Variants in TRPS1 observed in about 807,000 individuals in gnomAD.
TRPS1 encodes the protein transcriptional repressor GATA binding 1.
TRPS1 carries 6 observed loss-of-function variants against 101.2 expected under a neutral mutation model. That is an observed-to-expected ratio of 0.06 (90% confidence interval 0.03 to 0.12). The LOEUF (loss-of-function observed/expected upper bound fraction) is 0.12, where lower values mean the gene tolerates loss of function less well. Among genes scored for constraint, TRPS1 ranks in the 10% least tolerant of loss-of-function variants. The pLI is 1.00. For missense variants in TRPS1, 1,363 were observed against 1,567.0 expected, an observed-to-expected ratio of 0.87 and a Z score of 2.20; for synonymous variants, 578 against 589.8, an observed-to-expected ratio of 0.98 and a Z score of 0.29.
chr8:115,626,426 T>C (rs983161832), intron 1 of TRPS1, among the ~76,000 whole-genome samples: 2 of 151,846 alleles, frequency 1.3e-5, no homozygotes, highest in Non-Finnish European at 3.0e-5. Context: ...TTTAGATGTT[T>C]TCTATTTCTT....
At chr8:115,434,688 C>T (rs995904639) in intron 5 of TRPS1, among the ~76,000 whole-genome samples, 1 of 152,160 alleles carries the variant, frequency 6.6e-6, no homozygotes, top group African/African-American at 2.4e-5. Context: ...TAGCCATAAA[C>T]ATTGGTTTCT....
intron 5 of TRPS1, among the ~76,000 whole-genome samples, chr8:115,566,629 T>C (rs1025058953): frequency 1.3e-5 from 2 of 152,056 alleles, no homozygotes; most frequent in South Asian, 2.1e-4. Flanking sequence ...AAACAGAATT[T>C]GATTAATTTT....
intron 5 of TRPS1, among the ~76,000 whole-genome samples, chr8:115,586,548 T>G (rs1008502091): frequency 6.6e-6 from 1 of 152,260 alleles, no homozygotes; most frequent in Non-Finnish European, 1.5e-5. Context: ...TATTTTGGTA[T>G]GAACATCTCA....
At chr8:115,582,088 GA>G (rs1298912802) in intron 5 of TRPS1, among the ~76,000 whole-genome samples, 1 of 152,152 alleles carries the variant, frequency 6.6e-6, no homozygotes, top group Admixed American at 6.5e-5. Flanking sequence ...GATATAGTCT[GA>G]TCTCTTTGGT....
chr8:115,484,400 G>C (rs1814828701), intron 5 of TRPS1, among the ~76,000 whole-genome samples: 1 of 151,990 alleles, frequency 6.6e-6, no homozygotes, highest in African/African-American at 2.4e-5. Context: ...TTATCTGAGA[G>C]AGGCAAGTCA....
chr8:115,631,262 C>T (rs1818635139), intron 1 of TRPS1, among the ~76,000 whole-genome samples: 1 of 152,042 alleles, frequency 6.6e-6, no homozygotes, highest in Admixed American at 6.6e-5. Flanking sequence ...TAGGCTACCC[C>T]TCTAGACTGT....
chr8:115,619,813 C>G lies in TRPS1; in HGVS notation c.285G>C (p.Glu95Asp). The G allele has an allele frequency of 6.2e-7, 1 of 1,614,202 alleles. No individual in the cohort carries two copies. Among genetic ancestry groups the G allele is most frequent in the Non-Finnish European group, 8.5e-7 (1 of 1,180,036 alleles). ...GGCTTTCATAATTGAAGCCAGCCTT[C>G]TCACTCAGAACTGCGCTTTTCAAGT... ...KKDLKSAVLS[E>D]KAGFNYESPS... The change falls in exon 3 of 7, where the codon GAG (glutamate) becomes GAC (aspartate). Residue 95 changes from glutamate (E) to aspartate (D), a missense_variant. Around this residue, in one of 5 missense-constraint regions of TRPS1, gnomAD observed 1,020 missense variants for 1,073.0 expected, o/e 0.95. Transcript: ENST00000395715.
chr8:115,626,009 T>C (rs1001808129), intron 1 of TRPS1, among the ~76,000 whole-genome samples: 4 of 151,968 alleles, frequency 2.6e-5, no homozygotes, highest in Admixed American at 2.0e-4. Flanking sequence ...AAAAAGTATG[T>C]TTTCTTCCAT....
intron 5 of TRPS1, among the ~76,000 whole-genome samples, chr8:115,521,875 TAA>T (rs1402711733): frequency 6.6e-6 from 1 of 151,972 alleles, no homozygotes; most frequent in African/African-American, 2.4e-5. Context: ...TTACCAATAT[TAA>T]GTATATTCCA....
chr8:115,567,716 G>A (rs1817101826), intron 5 of TRPS1, among the ~76,000 whole-genome samples: 1 of 152,088 alleles, frequency 6.6e-6, no homozygotes, highest in Non-Finnish European at 1.5e-5. Context: ...CAGAGAAGGG[G>A]AGCCCATGCC....
intron 5 of TRPS1, among the ~76,000 whole-genome samples, chr8:115,465,306 T>A (rs2129990801): frequency 6.6e-6 from 1 of 152,252 alleles, no homozygotes; most frequent in Admixed American, 6.5e-5. Context: ...CAATTCCACA[T>A]AGTTCTAGCA....
intron 5 of TRPS1, among the ~76,000 whole-genome samples, chr8:115,442,973 G>C (rs997328553): frequency 6.6e-6 from 1 of 152,116 alleles, no homozygotes; most frequent in African/African-American, 2.4e-5. Context: ...GCGGGCGCCT[G>C]TAGTCCCAGC....
intron 5 of TRPS1, among the ~76,000 whole-genome samples, chr8:115,471,141 A>G (rs1045230622): frequency 2.0e-5 from 3 of 152,132 alleles, no homozygotes; most frequent in Admixed American, 2.0e-4. Context: ...CCTCCTCCTC[A>G]GGCTGTAGGG....
At chr8:115,421,476 G>C (rs1306769296) in intron 5 of TRPS1, among the ~76,000 whole-genome samples, 1 of 152,178 alleles carries the variant, frequency 6.6e-6, no homozygotes, top group East Asian at 1.9e-4. Context: ...GTTGGATATT[G>C]TTCAATGTGT....
intron 5 of TRPS1, among the ~76,000 whole-genome samples, chr8:115,436,329 C>A (rs1172936869): frequency 6.6e-6 from 1 of 152,042 alleles, no homozygotes; most frequent in Admixed American, 6.6e-5. Flanking sequence ...CAGACAGGCC[C>A]GGATGGTAAA....
intron 5 of TRPS1, among the ~76,000 whole-genome samples, chr8:115,472,335 C>A (rs912172599): frequency 6.6e-6 from 1 of 152,202 alleles, no homozygotes; most frequent in Admixed American, 6.5e-5. Context: ...GAAGCAACAG[C>A]CTGAGCTCTA....
At chr8:115,552,125 C>T (rs745923144) in intron 5 of TRPS1, among the ~76,000 whole-genome samples, 3 of 152,150 alleles carry the variant, frequency 2.0e-5, no homozygotes, top group Non-Finnish European at 4.4e-5. Context: ...TGAGGGGTTG[C>T]TAATTTAACA....
At chr8:115,656,931 AC>A (rs1266098811) in intron 1 of TRPS1, among the ~76,000 whole-genome samples, 2 of 152,184 alleles carry the variant, frequency 1.3e-5, no homozygotes, top group African/African-American at 4.8e-5. Flanking sequence ...AAAAAACTAA[AC>A]TAAATATTTC....
intron 1 of TRPS1, among the ~76,000 whole-genome samples, chr8:115,662,496 C>T (rs1811825309): frequency 6.6e-6 from 1 of 151,862 alleles, no homozygotes; most frequent in African/African-American, 2.4e-5. Context: ...TCCACTAAAC[C>T]CAATAATTTC....
Sources: gnomAD v4.1 joint callset for allele counts (sites outside exome capture counted in the v4.1 genomes callset) on GRCh38, gnomAD v4.1.1 for gene constraint, gnomAD v4.1.1 regional missense constraint, MANE v1.5 for transcripts, NCBI Gene and HGNC (gene_info 2026-07-23, HGNC 2026-07-21) for gene names.